Variants in FUT8 observed in about 807,000 individuals in gnomAD.
FUT8 encodes fucosyltransferase 8, also known as alpha-(1,6)-fucosyltransferase.
In FUT8, 29 loss-of-function variants were observed where a neutral mutation model predicts 71.3. That is an observed-to-expected ratio of 0.41 (90% CI 0.30 to 0.55). FUT8 has a LOEUF of 0.55. FUT8 is among the 20% of genes least tolerant of loss of function. The pLI, the probability that FUT8 is intolerant of heterozygous loss-of-function variation, is 0.34. For synonymous variants in FUT8, 254 were observed against 239.3 expected (o/e 1.06, Z -0.57); for missense variants, 544 against 702.1 (o/e 0.77, Z 2.55).
chr14:65,450,696 A>G (rs1018553402), intron 1 of FUT8, among the ~76,000 whole-genome samples: 1 of 152,174 alleles, frequency 6.6e-6, no homozygotes, highest in African/African-American at 2.4e-5. Context: ...ATTGCTGATT[A>G]CTGGATATTG....
chr14:65,693,081 C>T (rs1348658894), intron 7 of FUT8, among the ~76,000 whole-genome samples: 13 of 152,164 alleles, frequency 8.5e-5, no homozygotes, highest in South Asian at 2.1e-4. Flanking sequence ...CAGGCAGAGA[C>T]GCTCCTCACT....
At chr14:65,730,604 G>A (rs1453444775) in intron 9 of FUT8, among the ~76,000 whole-genome samples, 2 of 152,078 alleles carry the variant, frequency 1.3e-5, no homozygotes, top group Admixed American at 6.6e-5. Context: ...CCCGGGAGGC[G>A]GAGGTTGCAG....
chr14:65,561,362 C>G lies in FUT8; in HGVS notation c.-202C>G. 1.7e-6 allele frequency: 1 copy of G among 585,676 alleles called. No individual in the cohort carries two copies. The highest frequency in any genetic ancestry group is 2.1e-5 in the South Asian group (1 of 46,796). 36.3% of individuals were successfully genotyped at this position (585,676 alleles called of 1,614,324 possible). On this transcript the variant is annotated 5_prime_UTR_variant, in exon 3 of 11. Transcript: ENST00000673929. The stretch of plus-strand genomic sequence containing the variant: ...CATGTAGAGCGCATGAAGTACAGGA[C>G]AATAAAGCTTCCTACACATATCACC...
At chr14:65,541,368 C>G (rs1213660432) in intron 2 of FUT8, among the ~76,000 whole-genome samples, 2 of 152,114 alleles carry the variant, frequency 1.3e-5, no homozygotes, top group African/African-American at 4.8e-5. Flanking sequence ...AACAGGAAAG[C>G]CAGTGGTGTG....
Position 65,677,151 on chromosome 14 carries a change from T to TGTGTGTGTGTGTGTGTGCGC in FUT8, c.835+7672_835+7673insTGTGTGTGTGTGTGTGCGCG. ...GTGTGTGTGTGTGTGTGTGTGTGTGTGCGCGCGCGCATGCGCGCGCACGTA... is the reference window on the plus strand; with the variant it reads ...GTGTGTGTGTGTGTGTGTGTGTGTGTGTGTGTGTGTGTGTGTGCGCGCGCGCGCGCATGCGCGCGCACGTA... On this transcript the variant is annotated intron_variant, in intron 7 of 10. Transcript: ENST00000673929. Among the ~76,000 whole-genome samples, 1,078 of 110,614 alleles carry TGTGTGTGTGTGTGTGTGCGC rather than the reference T, an allele frequency of 9.7e-3. 15 individuals carry two copies. Among genetic ancestry groups the TGTGTGTGTGTGTGTGTGCGC allele is most frequent in the Non-Finnish European group, 0.014 (804 of 55,612 alleles). The allele number at this position is 110,614 out of a possible 152,430, so 72.6% of individuals were successfully genotyped here.
At chr14:65,596,639 C>A (rs1015246347) in intron 3 of FUT8, among the ~76,000 whole-genome samples, 3 of 152,072 alleles carry the variant, frequency 2.0e-5, no homozygotes, top group East Asian at 3.8e-4. Flanking sequence ...TCAACCAATA[C>A]CTTTAGGGTA....
intron 6 of FUT8, among the ~76,000 whole-genome samples, chr14:65,634,348 A>G (rs1243597967): frequency 1.3e-5 from 2 of 152,066 alleles, no homozygotes; most frequent in Non-Finnish European, 2.9e-5. Context: ...GCTTTGTTAA[A>G]CAGATGCTTG....
chr14:65,560,146 T>C (rs1885831154), intron 2 of FUT8, among the ~76,000 whole-genome samples: 1 of 152,154 alleles, frequency 6.6e-6, no homozygotes, highest in African/African-American at 2.4e-5. Context: ...CCCTGTGCTC[T>C]GATTTTTGAA....
At chr14:65,549,779 A>G (rs746612675) in intron 2 of FUT8, among the ~76,000 whole-genome samples, 8 of 152,202 alleles carry the variant, frequency 5.3e-5, no homozygotes, top group African/African-American at 1.7e-4. Flanking sequence ...GTATCTGACA[A>G]TAAGTCCTAT....
chr14:65,442,285 C>G (rs1397333773), intron 1 of FUT8, among the ~76,000 whole-genome samples: 1 of 151,640 alleles, frequency 6.6e-6, no homozygotes, highest in Non-Finnish European at 1.5e-5. Context: ...AAGTGATTCT[C>G]CTGCCTCAGC....
intron 2 of FUT8, among the ~76,000 whole-genome samples, chr14:65,549,772 T>A (rs890918994): frequency 2.0e-4 from 31 of 152,240 alleles, no homozygotes; most frequent in African/African-American, 7.5e-4. Flanking sequence ...CACTGTAGTA[T>A]CTGACAATAA....
At chr14:65,706,373 C>G (rs754959316) in intron 7 of FUT8, among the ~76,000 whole-genome samples, 2 of 152,148 alleles carry the variant, frequency 1.3e-5, no homozygotes, top group Non-Finnish European at 2.9e-5. Flanking sequence ...CCTCTCTGCT[C>G]CAGCCTCCAG....
rs1465796715 is a variant in FUT8, at chr14:65,643,708, A to ACC, written c.597+14103_597+14104insCC. ...CACACACACACACACACACACACAC[A>ACC]CACACACCAGATTCCATTCTAGATG... On this transcript the variant is annotated intron_variant, in intron 6 of 10. Transcript: ENST00000673929. The surrounding 1 kb of genome is among the most constrained non-coding windows in gnomAD (Gnocchi z 4.5). Among the ~76,000 whole-genome samples, 9 of 137,364 alleles carry ACC rather than the reference A, an allele frequency of 6.6e-5. No homozygotes were observed. Among genetic ancestry groups the ACC allele is most frequent in the East Asian group, 2.1e-4 (1 of 4,868 alleles). The allele number at this position is 137,364 out of a possible 152,430, so 90.1% of individuals were successfully genotyped here.
Position 65,727,921 on chromosome 14 carries a change from A to C in FUT8, c.1259+3598A>C, listed in dbSNP as rs187525897. ...ACCCTAAATCATCTCTCTCAAGTTC[A>C]AAGTTCCACAAATCTCTAGGGCAGA... On this transcript the variant is annotated intron_variant, in intron 9 of 10. Coordinates refer to ENST00000673929, the MANE Select transcript of FUT8 (RefSeq NM_001371533.1). Among the ~76,000 whole-genome samples the C allele has an allele frequency of 1.8e-3, 274 of 152,308 alleles. 1 individual carries two copies. Among genetic ancestry groups the C allele is most frequent in the Non-Finnish European group, 3.2e-3 (216 of 68,024 alleles).
rs191277482 is a variant in FUT8 at position 65,603,038 on chromosome 14, T to C, written c.204-12940T>C. On this transcript the variant is annotated intron_variant, in intron 3 of 10. Coordinates refer to ENST00000673929, the MANE Select transcript of FUT8 (RefSeq NM_001371533.1). The surrounding 1 kb of genome is among the most constrained non-coding windows in gnomAD (Gnocchi z 4.5). ...ACCTGTTTGTTTTTGTTACGTTTGC[T>C]TTTGAAGTCTTCGCCTAAGCCAATG... 2.5e-3 allele frequency among the ~76,000 whole-genome samples: 374 copies of C among 152,076 alleles called. 4 individuals are homozygous for C. The highest frequency in any genetic ancestry group is 8.6e-3 in the African/African-American group (358 of 41,536).
At chr14:65,630,166 T>C (rs1213929075) in intron 6 of FUT8, among the ~76,000 whole-genome samples, 2 of 152,110 alleles carry the variant, frequency 1.3e-5, no homozygotes, top group African/African-American at 2.4e-5. Flanking sequence ...GAGAATAAGT[T>C]GGAAAGGTAG....
chr14:65,446,736 GA>G (rs1412311915), intron 1 of FUT8, among the ~76,000 whole-genome samples: 1 of 129,162 alleles, frequency 7.7e-6, no homozygotes, highest in Non-Finnish European at 1.6e-5. Context: ...TATGCTTAAT[GA>G]AGCTCAAATT....
At chr14:65,590,997 A>G (rs967073386) in intron 3 of FUT8, among the ~76,000 whole-genome samples, 1 of 152,202 alleles carries the variant, frequency 6.6e-6, no homozygotes, top group Admixed American at 6.5e-5. Context: ...TCTTTTACCT[A>G]TAGTTTATTT....
chr14:65,661,129 C>T (rs1175756680), intron 6 of FUT8, among the ~76,000 whole-genome samples: 1 of 152,126 alleles, frequency 6.6e-6, no homozygotes, highest in Non-Finnish European at 1.5e-5. Context: ...TGACTTAACT[C>T]CTTCCAATAG....
Sources: gnomAD v4.1 joint callset for allele counts (sites outside exome capture counted in the v4.1 genomes callset) on GRCh38, gnomAD v4.1.1 for gene constraint, Gnocchi (gnomAD v3.1) non-coding constraint, MANE v1.5 for transcripts, NCBI Gene and HGNC (gene_info 2026-07-23, HGNC 2026-07-21) for gene names.